CHST9: variants seen among roughly 807,000 people sequenced by gnomAD.
The protein encoded by CHST9 is GalNAc-4-sulfotransferase 2.
A neutral mutation model predicts 44.4 loss-of-function variants in CHST9; 41 were observed. That is an observed-to-expected ratio of 0.92 (90% confidence interval 0.72 to 1.20). CHST9 has a LOEUF of 1.20. Ranked by LOEUF, CHST9 falls within the 50% of genes most tolerant of loss-of-function variation. The pLI, the probability that CHST9 is intolerant of heterozygous loss-of-function variation, is 0.00. For missense variants in CHST9, 504 were observed against 516.5 expected, an observed-to-expected ratio of 0.98 and a Z score of 0.23; for synonymous variants, 171 against 178.4, an observed-to-expected ratio of 0.96 and a Z score of 0.33.
chr18:27,083,073 C>A (rs574405869), intron 2 of CHST9, among the ~76,000 whole-genome samples: 1 of 151,964 alleles, frequency 6.6e-6, no homozygotes, highest in South Asian at 2.1e-4. Context: ...GAAGAGATAG[C>A]CGTAAGGAAA....
chr18:26,917,321 T>C lies in CHST9; in HGVS notation c.270A>G (p.Val90=). 1.9e-6 allele frequency: 3 copies of C among 1,612,464 alleles called. No individual in the cohort carries two copies. The highest frequency in any genetic ancestry group is 2.5e-6 in the Non-Finnish European group (3 of 1,179,418). The stretch of plus-strand genomic sequence containing the variant: ...GTAGAAGATTTTCCTTTTTTTCTCG[T>C]ACATCCTCAGGCATGTGAAACTTGG... ...QNPKFHMPED[V]REKKENLLLN... The change falls in exon 6 of 6, where the codon GTA becomes GTG. Residue 90 remains valine (V), a synonymous_variant. Transcript: ENST00000618847.
At chr18:27,115,469 T>A (rs2058311668) in intron 2 of CHST9, among the ~76,000 whole-genome samples, 1 of 152,144 alleles carries the variant, frequency 6.6e-6, no homozygotes, top group Non-Finnish European at 1.5e-5. Context: ...ATCTTACAAT[T>A]CTCCAAGTAA....
At position 27,045,186 on chromosome 18, in the gene CHST9, A is replaced by G. The variant is rs963334094; in HGVS notation, c.160+3279T>C. ...AATTGATTTCTCCATTCTCTGGTCC[A>G]CTAGGGCTATTCTTTCCATTATACT... is the stretch of plus-strand genomic sequence containing the variant. On this transcript the variant is annotated intron_variant, in intron 3 of 5. Coordinates refer to ENST00000618847, the MANE Select transcript of CHST9 (RefSeq NM_031422.6). Among the ~76,000 whole-genome samples, 6 of 152,052 alleles carry G rather than the reference A, an allele frequency of 3.9e-5. No homozygotes were observed. In the East Asian group the frequency reaches 9.6e-4, roughly 24 times the overall value.
At chr18:27,100,762 TAAG>T (rs2058163692) in intron 2 of CHST9, among the ~76,000 whole-genome samples, 3 of 152,336 alleles carry the variant, frequency 2.0e-5, no homozygotes, top group Admixed American at 2.0e-4. Context: ...CATAATATGA[TAAG>T]AAAATCAATG....
At chr18:27,129,866 G>A (rs1283887275) in intron 2 of CHST9, among the ~76,000 whole-genome samples, 4 of 151,896 alleles carry the variant, frequency 2.6e-5, no homozygotes, top group Non-Finnish European at 5.9e-5. Context: ...CTTGCTCCTC[G>A]TGGTGCATCT....
intron 2 of CHST9, among the ~76,000 whole-genome samples, chr18:27,116,127 G>A (rs1212204937): frequency 6.6e-6 from 1 of 152,094 alleles, no homozygotes; most frequent in Non-Finnish European, 1.5e-5. Flanking sequence ...GAAACACAAA[G>A]TTTTTTAATG....
chr18:27,101,216 CAT>C (rs567875147), intron 2 of CHST9, among the ~76,000 whole-genome samples: 12 of 152,108 alleles, frequency 7.9e-5, no homozygotes, highest in African/African-American at 2.9e-4. Context: ...TTTTGAATAC[CAT>C]AGAGTGAAGC....
In CHST9 at chr18:27,142,937, A is replaced by T. The variant is rs550168881; in HGVS notation, c.-96-32T>A. 2.8e-5 allele frequency: 22 copies of T among 777,630 alleles called. No homozygotes were observed. In the African/African-American group the frequency reaches 3.3e-4, roughly 12 times the overall value. 48.2% of individuals were successfully genotyped at this position (777,630 alleles called of 1,614,324 possible). On this transcript the variant is annotated intron_variant, in intron 1 of 5. Transcript: ENST00000618847. ...TTTTAAAAAGAAATCTACATTGTAC[A>T]TTTCTGCTAATATTAATTCTCAAAT...
intron 1 of CHST9, among the ~76,000 whole-genome samples, chr18:27,160,225 A>G (rs987977075): frequency 3.3e-5 from 5 of 152,208 alleles, no homozygotes; most frequent in African/African-American, 1.2e-4. Flanking sequence ...TTGCCCATTC[A>G]GTATGATATT....
chr18:27,050,315 G>A (rs2057550359), intron 2 of CHST9, among the ~76,000 whole-genome samples: 1 of 152,162 alleles, frequency 6.6e-6, no homozygotes, highest in Admixed American at 6.5e-5. Context: ...GTAAGAAACT[G>A]TGTACCTGGG....
At position 26,911,390 on chromosome 18, in the gene CHST9, C is replaced by G. The variant is rs1451947484; in HGVS notation, c.*4869G>C. 1.3e-5 allele frequency: 2 copies of G among 152,074 alleles called. No homozygotes were observed. The highest frequency in any genetic ancestry group is 2.9e-5 in the Non-Finnish European group (2 of 68,030). 9.4% of individuals were successfully genotyped at this position (152,074 alleles called of 1,614,324 possible). ...CATGAACAAATAAATTAACGAACCT[C>G]CCTGACAAAAAAAATCGAGGAAAGG... On this transcript the variant is annotated 3_prime_UTR_variant, in exon 6 of 6. Transcript: ENST00000618847.
At chr18:26,965,089 T>C (rs993966506) in intron 4 of CHST9, among the ~76,000 whole-genome samples, 5 of 152,232 alleles carry the variant, frequency 3.3e-5, no homozygotes, top group East Asian at 1.9e-4. Flanking sequence ...GAAGCTATTA[T>C]GAAAACTATT....
intron 4 of CHST9, among the ~76,000 whole-genome samples, chr18:27,007,351 C>T (rs189515991): frequency 2.8e-4 from 42 of 152,216 alleles, no homozygotes; most frequent in Non-Finnish European, 4.9e-4. Flanking sequence ...AGTGTCCAGT[C>T]CTAAGTTTCC....
At chr18:26,929,020 A>G (rs232341) in intron 5 of CHST9, among the ~76,000 whole-genome samples, 65,249 of 152,018 alleles carry the variant, frequency 0.43, 14,452 homozygotes, top group East Asian at 0.7. Context: ...AAGTGAAGGC[A>G]TTGGCTGGGA....
At chr18:27,049,113 T>G (rs530395074) in intron 2 of CHST9, among the ~76,000 whole-genome samples, 2 of 152,186 alleles carry the variant, frequency 1.3e-5, no homozygotes, top group East Asian at 3.9e-4. Context: ...ACTTGCACAC[T>G]TACAGCAGTG....
intron 4 of CHST9, among the ~76,000 whole-genome samples, chr18:26,968,791 T>G (rs4800779): frequency 0.35 from 52,734 of 151,776 alleles, 9,678 homozygotes; most frequent in East Asian, 0.46. Flanking sequence ...ATTTGACACA[T>G]TTGAAATTTA....
intron 1 of CHST9, among the ~76,000 whole-genome samples, chr18:27,149,800 G>GTTT (rs2058645711): frequency 6.6e-6 from 1 of 151,586 alleles, no homozygotes; most frequent in South Asian, 2.1e-4. Flanking sequence ...ATATCTTAGT[G>GTTT]TTTATTTTGC....
chr18:26,969,196 G>A (rs558862188), intron 4 of CHST9, among the ~76,000 whole-genome samples: 365 of 151,988 alleles, frequency 2.4e-3, no homozygotes, highest in Middle Eastern at 3.4e-3. Flanking sequence ...TGGAGACGGG[G>A]TTTCACCGTA....
rs143976994 is a variant in CHST9 at position 26,969,268 on chromosome 18, C to G, written c.203-24902G>C. 4.8e-3 allele frequency among the ~76,000 whole-genome samples: 732 copies of G among 152,016 alleles called. 7 individuals are homozygous for G. The highest frequency in any genetic ancestry group is 0.017 in the African/African-American group (692 of 41,430). ...CCACCCGCCTCAGCTTCCCAAAGTG[C>G]TAGGATTACAGGCGTGAGCCACCGC... On this transcript the variant is annotated intron_variant, in intron 4 of 5. Coordinates refer to ENST00000618847, the MANE Select transcript of CHST9 (RefSeq NM_031422.6).
Sources: gnomAD v4.1 joint callset for allele counts (sites outside exome capture counted in the v4.1 genomes callset) on GRCh38, gnomAD v4.1.1 for gene constraint, MANE v1.5 for transcripts, NCBI Gene and HGNC (gene_info 2026-07-23, HGNC 2026-07-21) for gene names.